PSMA3: variants seen among roughly 807,000 people sequenced by gnomAD.
PSMA3 encodes proteasome 20S subunit alpha 3, also known as proteasome subunit alpha type-3.
Under a neutral mutation model 40.0 loss-of-function variants are expected in PSMA3, and 8 were observed. That is an observed-to-expected ratio of 0.20 (90% CI 0.12 to 0.36). PSMA3 has a LOEUF of 0.36. PSMA3 is among the 10% of genes least tolerant of loss of function. The probability of loss-of-function intolerance (pLI) is 1.00; values close to 1 mark genes in which losing one functional copy is unlikely to be tolerated. For missense variants in PSMA3, 219 were observed against 310.6 expected (o/e 0.70, Z 2.22); for synonymous variants, 110 against 100.0 (o/e 1.10, Z -0.59).
At chr14:58,263,638 T>G (rs1890346931) in intron 6 of PSMA3, 67 bp from the exon 7 acceptor site, 4 of 1,269,754 alleles carry the variant, frequency 3.2e-6, no homozygotes, top group Middle Eastern at 2.0e-4. Context: ...TATAGAAACA[T>G]TAGTAGTCAT....
chr14:58,269,785 GCA>G (rs1221803286), intron 8 of PSMA3: 2 of 151,936 alleles, frequency 1.3e-5, no homozygotes, highest in African/African-American at 2.4e-5. Flanking sequence ...TTCTAAAAGG[GCA>G]CAGTTAATGA....
chr14:58,258,140 C>T (rs969372678), intron 5 of PSMA3, 142 bp downstream of exon 5: 1 of 639,324 alleles, frequency 1.6e-6, no homozygotes, highest in Non-Finnish European at 2.7e-6. Flanking sequence ...AAACAGTGTA[C>T]ATAGAAACTA....
chr14:58,269,083 C>CA (rs1363170070), intron 8 of PSMA3, among the ~76,000 whole-genome samples: 1 of 151,936 alleles, frequency 6.6e-6, no homozygotes, highest in Non-Finnish European at 1.5e-5. Context: ...TACAGGCGCC[C>CA]ACCACCACAC....
At chr14:58,263,528 T>C (rs1329066770) in intron 6 of PSMA3, 177 bp from the exon 7 acceptor site, 24 of 467,840 alleles carry the variant, frequency 5.1e-5, no homozygotes, top group Non-Finnish European at 8.1e-5. Flanking sequence ...AATTGTTTGG[T>C]ATTTTAGTAT....
At position 58,244,866 on chromosome 14, in the gene PSMA3, A is replaced by G. The variant is rs1889839473; in HGVS notation, c.-55A>G. The G allele has an allele frequency of 6.2e-6, 10 of 1,613,912 alleles. No individual in the cohort carries two copies. Among genetic ancestry groups the G allele is most frequent in the African/African-American group, 1.3e-5 (1 of 75,036 alleles). ...TTACTAGTTTGCGGCATCCTGTGGT[A>G]TAGGGGAAGCGCTCCGGGCCTGGAA... is the stretch of plus-strand genomic sequence containing the variant. On this transcript the variant is annotated 5_prime_UTR_variant, in exon 1 of 11. Coordinates refer to ENST00000216455, the MANE Select transcript of PSMA3 (RefSeq NM_002788.4).
At position 58,271,925 on chromosome 14, in the gene PSMA3, A is replaced by G; in HGVS notation, c.*30A>G. 6.8e-7 allele frequency: 1 copy of G among 1,478,288 alleles called. No homozygotes were observed. Among genetic ancestry groups the G allele is most frequent in the South Asian group, 1.1e-5 (1 of 87,406 alleles). The allele number at this position is 1,478,288 out of a possible 1,614,324, so 91.6% of individuals were successfully genotyped here. ...TACTCCAGCATCTATTGTATTTTAAATTTCTACTCCAGTCCAATGTAACTA... is the reference window on the plus strand; with the variant it reads ...TACTCCAGCATCTATTGTATTTTAAGTTTCTACTCCAGTCCAATGTAACTA... On this transcript the variant is annotated 3_prime_UTR_variant, in exon 11 of 11. Coordinates refer to ENST00000216455, the MANE Select transcript of PSMA3 (RefSeq NM_002788.4).
intron 3 of PSMA3, among the ~76,000 whole-genome samples, chr14:58,256,314 T>C (rs1890143671): frequency 6.6e-6 from 1 of 152,184 alleles, no homozygotes; most frequent in Admixed American, 6.5e-5. Flanking sequence ...ACCAGCAGTA[T>C]ATCGGATATT....
Position 58,247,768 on chromosome 14 carries a change from A to G in PSMA3, c.40A>G (p.Thr14Ala). Residue 14 changes from threonine to alanine, a missense_variant, in exon 2 of 11, where the codon ACA (threonine) becomes GCA (alanine). Transcript: ENST00000216455. ...IGTGYDLSAS[T>A]FSPDGRVFQV... ...CCTTAAGTATGACCTGTCAGCCTCT[A>G]CATTCTCTCCTGACGGAAGAGTTTT... 6.2e-7 allele frequency: 1 copy of G among 1,606,734 alleles called. No homozygotes were observed. Among genetic ancestry groups the G allele is most frequent in the Non-Finnish European group, 8.5e-7 (1 of 1,174,084 alleles).
At chr14:58,259,080 A>G (rs948879226) in intron 5 of PSMA3, among the ~76,000 whole-genome samples, 2 of 152,160 alleles carry the variant, frequency 1.3e-5, no homozygotes, top group Non-Finnish European at 2.9e-5. Flanking sequence ...GGCATGGGCC[A>G]CCATGCCTGG....
chr14:58,258,047 T>G, intron 5 of PSMA3, 49 bp downstream of exon 5: 1 of 1,397,488 alleles, frequency 7.2e-7, no homozygotes, highest in Non-Finnish European at 1.0e-6. Flanking sequence ...ACTATAGATA[T>G]TTATTATGTT....
Position 58,250,485 on chromosome 14 carries a change from CAGTG to C in PSMA3, c.105-1631_105-1628del, listed in dbSNP as rs1889986915. Among the ~76,000 whole-genome samples, 3 of 151,820 alleles carry C rather than the reference CAGTG, an allele frequency of 2.0e-5. No homozygotes were observed. The South Asian group carries it at 6.2e-4, about 31-fold the overall frequency. On this transcript the variant is annotated intron_variant, in intron 2 of 10. Coordinates refer to ENST00000216455, the MANE Select transcript of PSMA3 (RefSeq NM_002788.4). ...TGAACATGAGGTTTTTGAAGGTTGA[CAGTG>C]AGGTAACCAGTAGAGTACAGAATTT...
chr14:58,271,877 A>C lies in PSMA3; in HGVS notation c.750A>C (p.Ser250=). The C allele has an allele frequency of 6.3e-7, 1 of 1,595,412 alleles. No individual in the cohort carries two copies. Among genetic ancestry groups the C allele is most frequent in the Non-Finnish European group, 8.6e-7 (1 of 1,163,654 alleles). ...AKESLKEEDE[S]DDDNM is the part of the protein sequence containing the mutation. Reference sequence around the variant, plus strand: ...AATCTCTGAAGGAAGAAGATGAATCAGATGATGATAATATGTAACATTTAC... The same window carrying C: ...AATCTCTGAAGGAAGAAGATGAATCCGATGATGATAATATGTAACATTTAC... Residue 250 remains serine, a synonymous_variant, in exon 11 of 11, where the codon TCA becomes TCC. Transcript: ENST00000216455.
intron 2 of PSMA3, among the ~76,000 whole-genome samples, chr14:58,248,060 A>G (rs867666520): frequency 1.4e-4 from 21 of 152,090 alleles, no homozygotes; most frequent in African/African-American, 5.1e-4. Context: ...GAGTGTATAA[A>G]TCACATTCAT....
chr14:58,252,318 T>A, intron 3 of PSMA3, 76 bp downstream of exon 3: 6 of 1,513,896 alleles, frequency 4.0e-6, no homozygotes, highest in Non-Finnish European at 5.3e-6. Context: ...TAGATCACTG[T>A]GCAGTCACAA....
intron 3 of PSMA3, among the ~76,000 whole-genome samples, chr14:58,255,433 G>A (rs1025188073): frequency 5.3e-5 from 8 of 152,126 alleles, no homozygotes; most frequent in African/African-American, 1.9e-4. Flanking sequence ...ACGATCTAAT[G>A]TTCAAACGGA....
In PSMA3 at chr14:58,245,037, T is replaced by C. The variant is rs1304227055; in HGVS notation, c.21+96T>C. 3 of 1,536,214 alleles carry C rather than the reference T, an allele frequency of 2.0e-6. No individual in the cohort carries two copies. The Admixed American group carries it at 5.0e-5, about 26-fold the overall frequency. Reference sequence around the variant, plus strand: ...CATGGGGTTCGCGGACCCGGGGTGCTCTGAGACCGCCTTCGGCTGGGTGGG... The same window carrying C: ...CATGGGGTTCGCGGACCCGGGGTGCCCTGAGACCGCCTTCGGCTGGGTGGG... On this transcript the variant is annotated intron_variant, in intron 1 of 10. Coordinates refer to ENST00000216455, the MANE Select transcript of PSMA3 (RefSeq NM_002788.4).
intron 2 of PSMA3, 67 bp downstream of exon 2, chr14:58,247,899 T>C: frequency 9.3e-7 from 1 of 1,078,080 alleles, no homozygotes; most frequent in Non-Finnish European, 1.4e-6. Flanking sequence ...GATTAGGCTT[T>C]GTTATGTTAC....
At chr14:58,261,571 T>C (rs1328463295) in intron 6 of PSMA3, among the ~76,000 whole-genome samples, 2 of 152,212 alleles carry the variant, frequency 1.3e-5, no homozygotes, top group African/African-American at 4.8e-5. Context: ...ATATAGTATT[T>C]TGAATATGTG....
chr14:58,267,571 G>A (rs770285868), intron 8 of PSMA3, 51 bp downstream of exon 8: 3 of 1,524,112 alleles, frequency 2.0e-6, no homozygotes, highest in Admixed American at 4.5e-5. Flanking sequence ...TTTGACCTTT[G>A]CATATATATA....
Sources: allele counts gnomAD v4.1 joint callset (sites outside exome capture counted in the v4.1 genomes callset), GRCh38; gene constraint gnomAD v4.1.1; transcripts MANE v1.5; gene names NCBI Gene and HGNC (gene_info 2026-07-23, HGNC 2026-07-21).